PKP4: variants seen among roughly 807,000 people sequenced by gnomAD.
PKP4 encodes the protein plakophilin-4.
Under a neutral mutation model 145.1 loss-of-function variants are expected in PKP4, and 90 were observed. The ratio of observed to expected loss-of-function variants is 0.62; its 90% CI spans 0.52 to 0.74. The LOEUF is 0.74. PKP4 is among the 30% of genes least tolerant of loss of function. The probability of loss-of-function intolerance (pLI) is 0.00; values close to 1 mark genes in which losing one functional copy is unlikely to be tolerated. For missense variants in PKP4, 1,340 were observed against 1,482.7 expected (o/e 0.90, Z 1.58); for synonymous variants, 563 against 577.2 (o/e 0.98, Z 0.35).
intron 21 of PKP4, among the ~76,000 whole-genome samples, chr2:158,679,779 A>G (rs1323854356): frequency 3.3e-5 from 5 of 152,330 alleles, no homozygotes; most frequent in African/African-American, 9.6e-5. Flanking sequence ...CTTTTCCTCT[A>G]GAACCATATT....
intron 1 of PKP4, among the ~76,000 whole-genome samples, chr2:158,466,573 C>T (rs898710381): frequency 4.6e-5 from 7 of 151,048 alleles, no homozygotes; most frequent in Admixed American, 6.6e-5. Context: ...GGCGTGGTGG[C>T]GGGCGCCTGT....
intron 2 of PKP4, among the ~76,000 whole-genome samples, chr2:158,570,655 G>T (rs896686475): frequency 6.6e-6 from 1 of 152,046 alleles, no homozygotes; most frequent in South Asian, 2.1e-4. Context: ...GTCATGGAAA[G>T]GTATGTTGCC....
intron 1 of PKP4, among the ~76,000 whole-genome samples, chr2:158,521,667 A>T (rs2042383322): frequency 6.6e-6 from 1 of 152,144 alleles, no homozygotes; most frequent in African/African-American, 2.4e-5. Context: ...AGTTTATCTG[A>T]TACTCCTTTT....
In PKP4 at chr2:158,573,415, AAG is replaced by A. The variant is rs371354093; in HGVS notation, c.133-3852_133-3851del. On this transcript the variant is annotated intron_variant, in intron 2 of 21. Coordinates refer to ENST00000389759, the MANE Select transcript of PKP4 (RefSeq NM_003628.6). ...ATGATTCCTTCTAGGGAGGGAAGAA[AAG>A]AGAAGAATAGGATCTAGGAAAGAGA... 4.3e-3 allele frequency among the ~76,000 whole-genome samples: 651 copies of A among 152,304 alleles called. 5 individuals carry two copies. Among genetic ancestry groups the A allele is most frequent in the South Asian group, 0.033 (160 of 4,824 alleles).
chr2:158,523,080 G>C (rs2042562090), intron 1 of PKP4, among the ~76,000 whole-genome samples: 1 of 152,334 alleles, frequency 6.6e-6, no homozygotes, highest in Non-Finnish European at 1.5e-5. Flanking sequence ...GCCCAGGCTT[G>C]CTTAGGTAAA....
At chr2:158,486,629 A>C (rs1694202958) in intron 1 of PKP4, among the ~76,000 whole-genome samples, 1 of 152,250 alleles carries the variant, frequency 6.6e-6, no homozygotes, top group Non-Finnish European at 1.5e-5. Flanking sequence ...CTTCTAAACT[A>C]TAAGGCAGAG....
At chr2:158,458,885 A>C (rs959014112) in intron 1 of PKP4, among the ~76,000 whole-genome samples, 3 of 152,148 alleles carry the variant, frequency 2.0e-5, no homozygotes, top group Non-Finnish European at 4.4e-5. Flanking sequence ...TTCAAGATGT[A>C]ATTTATTAGT....
chr2:158,598,366 C>T (rs963627148), intron 3 of PKP4, among the ~76,000 whole-genome samples: 1 of 152,182 alleles, frequency 6.6e-6, no homozygotes, highest in Non-Finnish European at 1.5e-5. Flanking sequence ...CTACTGTCCC[C>T]TCTCCTAGCG....
chr2:158,595,614 A>C (rs1225123566), intron 3 of PKP4, among the ~76,000 whole-genome samples: 1 of 152,220 alleles, frequency 6.6e-6, no homozygotes, highest in African/African-American at 2.4e-5. Flanking sequence ...AGCCAAAGCA[A>C]TGTTAGATAG....
At chr2:158,598,094 G>A (rs1011980507) in intron 3 of PKP4, among the ~76,000 whole-genome samples, 33 of 152,252 alleles carry the variant, frequency 2.2e-4, no homozygotes, top group Non-Finnish European at 1.5e-5. Flanking sequence ...CAGAGTGGTG[G>A]ATTATAGGCG....
Position 158,640,732 on chromosome 2 carries a change from C to T in PKP4, c.1668C>T (p.Cys556=). The T allele has an allele frequency of 1.2e-6, 2 of 1,614,090 alleles. No individual in the cohort carries two copies. The highest frequency in any genetic ancestry group is 1.7e-6 in the Non-Finnish European group (2 of 1,179,992). ...CAGCGGCCTACCTGCAGCACCTGTG[C>T]TTTGGTGACAACAAAGTGAAGATGG... ...ANAAAYLQHL[C]FGDNKVKMEV... is the part of the protein sequence containing the mutation. The change falls in exon 10 of 22, where the codon TGC becomes TGT. Residue 556 remains cysteine (C), a synonymous_variant. Coordinates refer to ENST00000389759, the MANE Select transcript of PKP4 (RefSeq NM_003628.6).
At chr2:158,679,950 T>G (rs557592468) in intron 21 of PKP4, among the ~76,000 whole-genome samples, 1 of 152,228 alleles carries the variant, frequency 6.6e-6, no homozygotes, top group East Asian at 1.9e-4. Flanking sequence ...ATATCTGAAG[T>G]AAATGTTCTA....
intron 4 of PKP4, among the ~76,000 whole-genome samples, chr2:158,611,276 G>T (rs1342608658): frequency 6.6e-6 from 1 of 152,118 alleles, no homozygotes; most frequent in Non-Finnish European, 1.5e-5. Context: ...TATTGAAGTG[G>T]TATGATTTTA....
chr2:158,633,893 A>G (rs1574883617), intron 8 of PKP4, among the ~76,000 whole-genome samples, 177 bp from the exon 9 acceptor site: 1 of 152,224 alleles, frequency 6.6e-6, no homozygotes, highest in South Asian at 2.1e-4. Flanking sequence ...ATTTATGTAC[A>G]TTAAAAACTT....
At chr2:158,513,553 A>T (rs2041693633) in intron 1 of PKP4, among the ~76,000 whole-genome samples, 1 of 152,122 alleles carries the variant, frequency 6.6e-6, no homozygotes, top group Non-Finnish European at 1.5e-5. Context: ...TGATGTCTTT[A>T]AAGTCTTCTT....
intron 1 of PKP4, among the ~76,000 whole-genome samples, chr2:158,511,205 G>GCAAAACC (rs1192643416): frequency 6.6e-6 from 1 of 152,106 alleles, no homozygotes; most frequent in African/African-American, 2.4e-5. Flanking sequence ...GGCCAACATG[G>GCAAAACC]CAAAACCCCA....
intron 3 of PKP4, among the ~76,000 whole-genome samples, chr2:158,596,834 C>A (rs1017227645): frequency 6.6e-6 from 1 of 152,024 alleles, no homozygotes; most frequent in Non-Finnish European, 1.5e-5. Flanking sequence ...TATTCCCAAC[C>A]CCTTACGGTT....
chr2:158,526,045 T>C (rs1013556253), intron 1 of PKP4, among the ~76,000 whole-genome samples: 1 of 151,784 alleles, frequency 6.6e-6, no homozygotes, highest in African/African-American at 2.4e-5. Flanking sequence ...AGCCGAATTC[T>C]ACCAGAGATA....
chr2:158,476,241 C>T (rs1053372456), intron 1 of PKP4, among the ~76,000 whole-genome samples: 7 of 152,178 alleles, frequency 4.6e-5, no homozygotes, highest in Non-Finnish European at 1.0e-4. Flanking sequence ...TATTGGTTTT[C>T]ATCCACATGT....
Sources: gnomAD v4.1 joint callset for allele counts (sites outside exome capture counted in the v4.1 genomes callset) on GRCh38, gnomAD v4.1.1 for gene constraint, MANE v1.5 for transcripts, NCBI Gene and HGNC (gene_info 2026-07-23, HGNC 2026-07-21) for gene names.